Variants in SGCZ observed in about 807,000 individuals in gnomAD.
SGCZ encodes sarcoglycan zeta.
SGCZ carries 40 observed loss-of-function variants against 41.3 expected under a neutral mutation model. That is an observed-to-expected ratio of 0.97 (90% confidence interval 0.75 to 1.26). SGCZ has a LOEUF of 1.26. SGCZ is among the 50% of genes most tolerant of loss of function. The pLI is 0.00. For missense variants in SGCZ, 552 were observed against 369.8 expected, an observed-to-expected ratio of 1.49 and a Z score of -4.04; for synonymous variants, 206 against 137.5, an observed-to-expected ratio of 1.50 and a Z score of -3.49.
At chr8:14,938,976 G>T (rs1800177063) in intron 1 of SGCZ, among the ~76,000 whole-genome samples, 1 of 152,116 alleles carries the variant, frequency 6.6e-6, no homozygotes, top group Admixed American at 6.6e-5. Flanking sequence ...GACTGCCTCA[G>T]TGTCTTTCAG....
At chr8:15,138,213 G>A (rs781604839) in intron 1 of SGCZ, among the ~76,000 whole-genome samples, 10 of 152,220 alleles carry the variant, frequency 6.6e-5, no homozygotes, top group African/African-American at 2.4e-4. Flanking sequence ...TGGAACAGGT[G>A]TGTTTACCCA....
intron 1 of SGCZ, among the ~76,000 whole-genome samples, chr8:14,976,705 A>G (rs893198721): frequency 1.3e-5 from 2 of 152,192 alleles, no homozygotes; most frequent in African/African-American, 4.8e-5. Flanking sequence ...CAAAAATATG[A>G]CAAAGCAAGA....
chr8:14,974,887 T>G (rs978885153), intron 1 of SGCZ, among the ~76,000 whole-genome samples: 1 of 139,738 alleles, frequency 7.2e-6, no homozygotes, highest in Non-Finnish European at 1.6e-5. Context: ...AAAAAGGAAA[T>G]ACAGCACATC....
At chr8:14,861,212 T>G (rs1803736330) in intron 1 of SGCZ, among the ~76,000 whole-genome samples, 1 of 152,170 alleles carries the variant, frequency 6.6e-6, no homozygotes, top group Non-Finnish European at 1.5e-5. Context: ...AGAAAGACTG[T>G]CACATCCATT....
chr8:14,895,974 C>T lies in SGCZ; in HGVS notation c.40-341048G>A, dbSNP rs955310991. Among the ~76,000 whole-genome samples the T allele has an allele frequency of 2.6e-5, 4 of 152,226 alleles. No individual in the cohort carries two copies. The South Asian group carries it at 6.2e-4, about 24-fold the overall frequency. ...TGTTTGCATTAAAAATACGTACATC[C>T]CAGGTGAACACTACCTGGTAAGGCA... On this transcript the variant is annotated intron_variant, in intron 1 of 7. Coordinates refer to ENST00000382080, the MANE Select transcript of SGCZ (RefSeq NM_139167.4).
intron 1 of SGCZ, among the ~76,000 whole-genome samples, chr8:15,037,090 C>T (rs1008912652): frequency 1.3e-5 from 2 of 152,086 alleles, no homozygotes; most frequent in Non-Finnish European, 2.9e-5. Flanking sequence ...AAGAAATATA[C>T]CTGAGCACGA....
At chr8:14,214,622 T>G (rs1483315319) in intron 4 of SGCZ, among the ~76,000 whole-genome samples, 1 of 152,106 alleles carries the variant, frequency 6.6e-6, no homozygotes, top group Non-Finnish European at 1.5e-5. Flanking sequence ...GCTATATTGT[T>G]TATGAGAAAA....
intron 1 of SGCZ, among the ~76,000 whole-genome samples, chr8:14,686,197 T>C (rs1352321795): frequency 6.6e-6 from 1 of 152,164 alleles, no homozygotes; most frequent in Non-Finnish European, 1.5e-5. Flanking sequence ...ATTTACAGTA[T>C]ATGTTTAGAA....
chr8:15,036,200 T>A (rs1371728872), intron 1 of SGCZ, among the ~76,000 whole-genome samples: 1 of 152,110 alleles, frequency 6.6e-6, no homozygotes. Context: ...TACATTAAAC[T>A]AGGATACATA....
intron 5 of SGCZ, among the ~76,000 whole-genome samples, chr8:14,158,835 C>T (rs1320532138): frequency 6.6e-6 from 1 of 152,156 alleles, no homozygotes; most frequent in Non-Finnish European, 1.5e-5. Context: ...GTGTCAGGAT[C>T]TTGGCTCACT....
At chr8:14,746,216 G>A (rs575568493) in intron 1 of SGCZ, among the ~76,000 whole-genome samples, 3 of 152,044 alleles carry the variant, frequency 2.0e-5, no homozygotes, top group Non-Finnish European at 4.4e-5. Flanking sequence ...GGAACTGAAT[G>A]TCAGTGGAAT....
chr8:14,288,971 C>T (rs1260616401), intron 3 of SGCZ, among the ~76,000 whole-genome samples: 2 of 152,000 alleles, frequency 1.3e-5, no homozygotes, highest in African/African-American at 2.4e-5. Context: ...TTCAGTCATT[C>T]CAGGGGACTG....
At chr8:14,469,836 A>G (rs1801163766) in intron 2 of SGCZ, among the ~76,000 whole-genome samples, 1 of 152,158 alleles carries the variant, frequency 6.6e-6, no homozygotes, top group Admixed American at 6.6e-5. Context: ...GAACACATGG[A>G]GGTTCCTAGA....
chr8:14,744,630 A>G (rs1001412337), intron 1 of SGCZ, among the ~76,000 whole-genome samples: 2 of 152,182 alleles, frequency 1.3e-5, no homozygotes, highest in African/African-American at 2.4e-5. Context: ...ACAATGGACA[A>G]GAAAAATACT....
intron 5 of SGCZ, among the ~76,000 whole-genome samples, chr8:14,148,617 G>C (rs1441371673): frequency 1.3e-5 from 2 of 151,834 alleles, no homozygotes; most frequent in Non-Finnish European, 2.9e-5. Context: ...CATTTAAAGA[G>C]GAATGAATAC....
At chr8:14,790,731 C>T (rs758918878) in intron 1 of SGCZ, among the ~76,000 whole-genome samples, 2 of 152,044 alleles carry the variant, frequency 1.3e-5, no homozygotes, top group African/African-American at 2.4e-5. Flanking sequence ...GATTATGCCG[C>T]AGCAGAAAAT....
intron 3 of SGCZ, among the ~76,000 whole-genome samples, chr8:14,293,796 A>G (rs1323909766): frequency 6.6e-6 from 1 of 151,884 alleles, no homozygotes. Context: ...TTTTTAGCAA[A>G]GAGTTGGTAA....
At chr8:14,413,387 G>C (rs961921634) in intron 2 of SGCZ, among the ~76,000 whole-genome samples, 7 of 151,836 alleles carry the variant, frequency 4.6e-5, no homozygotes, top group Non-Finnish European at 1.0e-4. Flanking sequence ...TGCCCAATAA[G>C]TTCAATTTTT....
At chr8:14,213,181 G>T (rs925295899) in intron 4 of SGCZ, among the ~76,000 whole-genome samples, 63 of 151,360 alleles carry the variant, frequency 4.2e-4, no homozygotes, top group African/African-American at 1.4e-3. Flanking sequence ...CCAACTTGTG[G>T]TAAGACATAA....
Sources: allele counts gnomAD v4.1 joint callset (sites outside exome capture counted in the v4.1 genomes callset), GRCh38; gene constraint gnomAD v4.1.1; transcripts MANE v1.5; gene names NCBI Gene and HGNC (gene_info 2026-07-23, HGNC 2026-07-21).